Variants in OSBPL10 observed in about 807,000 individuals in gnomAD.
OSBPL10 encodes oxysterol-binding protein-related protein 10.
Under a neutral mutation model 81.7 loss-of-function variants are expected in OSBPL10, and 49 were observed. That is an observed-to-expected ratio of 0.60 (90% CI 0.48 to 0.76). The LOEUF (loss-of-function observed/expected upper bound fraction) is 0.76, where lower values mean the gene tolerates loss of function less well. Among genes scored for constraint, OSBPL10 ranks in the 30% least tolerant of loss-of-function variants. The probability of loss-of-function intolerance (pLI) is 0.00; values close to 1 mark genes in which losing one functional copy is unlikely to be tolerated. For synonymous variants in OSBPL10, 419 were observed against 383.6 expected, an observed-to-expected ratio of 1.09 and a Z score of -1.08; for missense variants, 923 against 987.8, an observed-to-expected ratio of 0.93 and a Z score of 0.88.
chr3:31,862,476 AT>A (rs1701079888), intron 3 of OSBPL10, among the ~76,000 whole-genome samples: 1 of 152,226 alleles, frequency 6.6e-6, no homozygotes, highest in Admixed American at 6.5e-5. Context: ...CAACAGTAAA[AT>A]GTAATGCTTT....
chr3:31,727,416 C>A (rs1299430990), intron 6 of OSBPL10, among the ~76,000 whole-genome samples: 1 of 151,900 alleles, frequency 6.6e-6, no homozygotes, highest in East Asian at 1.9e-4. Context: ...GTCTATTCTA[C>A]AGATTCTTGG....
At chr3:31,802,549 CA>C (rs746823677) in intron 4 of OSBPL10, among the ~76,000 whole-genome samples, 1,482 of 94,944 alleles carry the variant, frequency 0.016, 19 homozygotes, top group African/African-American at 0.055. Flanking sequence ...GCCTGGGTAT[CA>C]AAAAAAAAAA....
chr3:31,690,006 G>T (rs989868230), intron 7 of OSBPL10, among the ~76,000 whole-genome samples: 16 of 152,136 alleles, frequency 1.1e-4, no homozygotes, highest in African/African-American at 3.6e-4. Flanking sequence ...AGAGAGGTTG[G>T]CAGAGAGGGA....
intron 1 of OSBPL10, among the ~76,000 whole-genome samples, chr3:32,075,535 C>T (rs1038489336): frequency 3.3e-5 from 5 of 152,154 alleles, no homozygotes; most frequent in African/African-American, 1.2e-4. Flanking sequence ...CAGGCCATCA[C>T]CAATAATTCT....
chr3:31,841,286 A>G (rs1342060676), intron 3 of OSBPL10, among the ~76,000 whole-genome samples: 2 of 152,238 alleles, frequency 1.3e-5, no homozygotes, highest in African/African-American at 4.8e-5. Flanking sequence ...ACAGGACTTG[A>G]GTAAACAGAG....
At chr3:31,988,131 T>A (rs1698962657) in intron 2 of OSBPL10, among the ~76,000 whole-genome samples, 1 of 152,202 alleles carries the variant, frequency 6.6e-6, no homozygotes, top group Non-Finnish European at 1.5e-5. Flanking sequence ...ACCTCCTGTT[T>A]CCGCCTCTTT....
At chr3:31,886,563 G>A (rs1695741978) in intron 1 of OSBPL10, among the ~76,000 whole-genome samples, 1 of 152,214 alleles carries the variant, frequency 6.6e-6, no homozygotes, top group Non-Finnish European at 1.5e-5. Flanking sequence ...CAAACTGCTG[G>A]ACTGCATGAA....
chr3:31,953,136 T>C (rs182950893), intron 1 of OSBPL10, among the ~76,000 whole-genome samples: 2,023 of 151,790 alleles, frequency 0.013, 37 homozygotes, highest in African/African-American at 0.046. Context: ...GGTCTCACCA[T>C]CTTGGCCAGG....
chr3:31,822,913 T>TAAA lies in OSBPL10; in HGVS notation c.729+7124_729+7126dup, dbSNP rs71097447. 6.5e-3 allele frequency among the ~76,000 whole-genome samples: 576 copies of TAAA among 89,092 alleles called. 19 individuals are homozygous for TAAA. Among genetic ancestry groups the TAAA allele is most frequent in the African/African-American group, 0.021 (528 of 25,464 alleles). 58.4% of individuals were successfully genotyped at this position (89,092 alleles called of 152,430 possible). Reference sequence around the variant, plus strand: ...TCCAACAGAGTGAGACCCCCAACTCTAAAAAAAAAAAAAAAGTTAAAATAG... The same window carrying TAAA: ...TCCAACAGAGTGAGACCCCCAACTCTAAAAAAAAAAAAAAAAAAGTTAAAATAG... On this transcript the variant is annotated intron_variant, in intron 4 of 11. Transcript: ENST00000396556.
intron 4 of OSBPL10, among the ~76,000 whole-genome samples, chr3:31,813,350 G>A (rs967794511): frequency 7.9e-5 from 12 of 152,164 alleles, no homozygotes; most frequent in Admixed American, 7.9e-4. Context: ...CATGGCCTGA[G>A]ACACAGCCCT....
intron 2 of OSBPL10, among the ~76,000 whole-genome samples, chr3:32,029,386 G>A (rs1297051785): frequency 2.0e-5 from 3 of 152,056 alleles, no homozygotes; most frequent in African/African-American, 7.2e-5. Flanking sequence ...ATGTATACAT[G>A]TGCCATGTTG....
intron 3 of OSBPL10, among the ~76,000 whole-genome samples, chr3:31,851,292 G>A (rs573838721): frequency 1.3e-5 from 2 of 152,316 alleles, no homozygotes; most frequent in African/African-American, 2.4e-5. Context: ...TCCTAAGAGA[G>A]ATGTACTTCT....
rs1276837263 is a variant in OSBPL10 at position 32,051,457 on chromosome 3, C to T, written n.186-4854G>A. ...GGCAGTTATCAGGGGATACTCAGCT[C>T]TTTGATGTTTGGATTAGAGAAGCAT... is the stretch of plus-strand genomic sequence containing the variant. On this transcript the variant is annotated intron_variant and non_coding_transcript_variant, in intron 1 of 3. Transcript: ENST00000479173. 5.3e-5 allele frequency among the ~76,000 whole-genome samples: 8 copies of T among 152,216 alleles called. No homozygotes were observed. In the East Asian group the frequency reaches 1.5e-3, roughly 29 times the overall value.
intron 4 of OSBPL10, among the ~76,000 whole-genome samples, chr3:31,784,170 C>T (rs1396610093): frequency 6.6e-6 from 1 of 151,640 alleles, no homozygotes; most frequent in Non-Finnish European, 1.5e-5. Flanking sequence ...CAAACCCTGT[C>T]TCTACTAAAA....
intron 7 of OSBPL10, among the ~76,000 whole-genome samples, chr3:31,690,842 G>C (rs1365633146): frequency 6.6e-6 from 1 of 152,032 alleles, no homozygotes; most frequent in Admixed American, 6.5e-5. Context: ...TGGACAAGAT[G>C]TCATACTTTT....
chr3:31,895,817 A>G (rs1285716248), intron 1 of OSBPL10, among the ~76,000 whole-genome samples: 3 of 152,232 alleles, frequency 2.0e-5, no homozygotes, highest in Non-Finnish European at 4.4e-5. Context: ...GGCAAGAGCA[A>G]CAAACTATAT....
At chr3:31,817,669 G>A (rs973569628) in intron 4 of OSBPL10, among the ~76,000 whole-genome samples, 6 of 152,082 alleles carry the variant, frequency 3.9e-5, no homozygotes, top group Admixed American at 3.3e-4. Flanking sequence ...CGCCAAGGAG[G>A]GCAGGCTCCT....
intron 2 of OSBPL10, among the ~76,000 whole-genome samples, chr3:32,021,252 T>C (rs1362139872): frequency 1.3e-5 from 2 of 152,238 alleles, no homozygotes; most frequent in Non-Finnish European, 2.9e-5. Context: ...TTGTGGGTAG[T>C]CTTTCTTACA....
chr3:31,958,872 T>C (rs1698081922), intron 1 of OSBPL10, among the ~76,000 whole-genome samples: 2 of 152,100 alleles, frequency 1.3e-5, no homozygotes, highest in Admixed American at 1.3e-4. Flanking sequence ...CATGGCAGAG[T>C]TGAATTATTT....
Sources: allele counts gnomAD v4.1 joint callset (sites outside exome capture counted in the v4.1 genomes callset), GRCh38; gene constraint gnomAD v4.1.1; transcripts MANE v1.5; gene names NCBI Gene and HGNC (gene_info 2026-07-23, HGNC 2026-07-21).